THRB: variants seen among roughly 807,000 people sequenced by gnomAD.
The protein encoded by THRB is nuclear receptor subfamily 1 group A member 2.
In THRB, 12 loss-of-function variants were observed where a neutral mutation model predicts 47.8. The ratio of observed to expected loss-of-function variants is 0.25; its 90% CI spans 0.16 to 0.41. THRB has a LOEUF of 0.41. Ranked by LOEUF, THRB falls within the 10% of genes least tolerant of loss-of-function variation. The pLI, the probability that THRB is intolerant of heterozygous loss-of-function variation, is 1.00. For synonymous variants in THRB, 218 were observed against 212.2 expected (o/e 1.03, Z -0.24); for missense variants, 348 against 589.2 (o/e 0.59, Z 4.24).
chr3:24,129,451 C>A (rs1431718639), intron 9 of THRB, among the ~76,000 whole-genome samples: 1 of 152,184 alleles, frequency 6.6e-6, no homozygotes, highest in African/African-American at 2.4e-5. Context: ...ACTTTTGAAA[C>A]CAATTCTGAT....
At chr3:24,221,498 A>T (rs945057507) in intron 4 of THRB, among the ~76,000 whole-genome samples, 1 of 152,046 alleles carries the variant, frequency 6.6e-6, no homozygotes, top group Non-Finnish European at 1.5e-5. Flanking sequence ...GATGGTGGGG[A>T]TAATGGGGAT....
chr3:24,456,327 C>G (rs1042903191), intron 1 of THRB, among the ~76,000 whole-genome samples: 1 of 150,380 alleles, frequency 6.6e-6, no homozygotes, highest in African/African-American at 2.4e-5. Flanking sequence ...AGTGTGAGAC[C>G]CTGTCTAAAA....
chr3:24,313,503 A>G (rs1193819039), intron 2 of THRB, among the ~76,000 whole-genome samples: 1 of 152,198 alleles, frequency 6.6e-6, no homozygotes, highest in Non-Finnish European at 1.5e-5. Context: ...AACATTTTAA[A>G]AAGCCCATTA....
At chr3:24,291,614 C>A (rs1022452375) in intron 3 of THRB, among the ~76,000 whole-genome samples, 1 of 152,038 alleles carries the variant, frequency 6.6e-6, no homozygotes, top group Non-Finnish European at 1.5e-5. Context: ...TATTGTTTAG[C>A]AAATAACAAT....
At chr3:24,337,541 G>A (rs2062338940) in intron 1 of THRB, among the ~76,000 whole-genome samples, 170 bp from the exon 2 acceptor site, 1 of 152,194 alleles carries the variant, frequency 6.6e-6, no homozygotes, top group Admixed American at 6.5e-5. Context: ...TTATTCTAAA[G>A]GGGAGATGGT....
intron 3 of THRB, among the ~76,000 whole-genome samples, chr3:24,230,770 C>T (rs1362425451): frequency 1.3e-5 from 2 of 152,166 alleles, no homozygotes; most frequent in Non-Finnish European, 2.9e-5. Context: ...CTGTGCCCCA[C>T]CTCTGGCAAA....
At chr3:24,204,815 G>C (rs775244263) in intron 4 of THRB, among the ~76,000 whole-genome samples, 1 of 152,176 alleles carries the variant, frequency 6.6e-6, no homozygotes, top group African/African-American at 2.4e-5. Flanking sequence ...TAAATGACCC[G>C]ATGGAGCGGA....
At chr3:24,444,605 T>C (rs1203975031) in intron 1 of THRB, among the ~76,000 whole-genome samples, 1 of 151,948 alleles carries the variant, frequency 6.6e-6, no homozygotes, top group Non-Finnish European at 1.5e-5. Context: ...GTACAACAAG[T>C]TTTGTTTTGT....
chr3:24,154,789 T>A (rs905996699), intron 5 of THRB, among the ~76,000 whole-genome samples: 5 of 152,236 alleles, frequency 3.3e-5, no homozygotes, highest in Non-Finnish European at 7.3e-5. Context: ...GAACCTCTTA[T>A]ACCTCGAGGT....
chr3:24,271,076 T>A (rs2053272810), intron 3 of THRB, among the ~76,000 whole-genome samples: 1 of 152,194 alleles, frequency 6.6e-6, no homozygotes, highest in Non-Finnish European at 1.5e-5. Flanking sequence ...TGTCACTATT[T>A]TCTCAGACAA....
chr3:24,266,774 A>C (rs9872738), intron 3 of THRB, among the ~76,000 whole-genome samples: 4,448 of 152,266 alleles, frequency 0.029, 223 homozygotes, highest in African/African-American at 0.1. Flanking sequence ...AATGCCAATA[A>C]AAATTCACCC....
intron 1 of THRB, among the ~76,000 whole-genome samples, chr3:24,446,677 T>C (rs78574410): frequency 0.02 from 2,995 of 152,296 alleles, 131 homozygotes; most frequent in East Asian, 0.18. Context: ...TGGAGCTTTA[T>C]TGAAACCATA....
intron 1 of THRB, among the ~76,000 whole-genome samples, chr3:24,421,653 G>A (rs2069274333): frequency 6.6e-6 from 1 of 151,900 alleles, no homozygotes; most frequent in South Asian, 2.1e-4. Context: ...AGAAAAGCAT[G>A]CAAAATGGAC....
rs1304612364 is a variant in THRB, at chr3:24,183,351, TTTTTCTTTTTTCTTTTC to T, written c.283+6706_283+6722del. Among the ~76,000 whole-genome samples the T allele has an allele frequency of 2.8e-3, 404 of 142,358 alleles. 5 individuals are homozygous for T. Among genetic ancestry groups the T allele is most frequent in the African/African-American group, 9.8e-3 (377 of 38,308 alleles). 93.4% of individuals were successfully genotyped at this position (142,358 alleles called of 152,430 possible). A position where few individuals can be genotyped will look rare whatever the true frequency, so the allele number is the denominator to read the frequency against. On this transcript the variant is annotated intron_variant, in intron 5 of 10. Transcript: ENST00000646209. ...ATCTTTCATCTTTTTTCTTTTCTTC[TTTTTCTTTTTTCTTTTC>T]TTTTTTTTTTTTTTTTGAGACAGAG...
At chr3:24,314,879 T>C (rs1266813479) in intron 2 of THRB, among the ~76,000 whole-genome samples, 1 of 152,182 alleles carries the variant, frequency 6.6e-6, no homozygotes, top group Non-Finnish European at 1.5e-5. Flanking sequence ...TCCTGCAGGG[T>C]CTTATTTCAG....
intron 7 of THRB, among the ~76,000 whole-genome samples, chr3:24,146,015 G>A (rs2036047430): frequency 6.6e-6 from 1 of 152,112 alleles, no homozygotes; most frequent in Admixed American, 6.6e-5. Flanking sequence ...AGTGTGGGGA[G>A]AAGAGACCCC....
At chr3:24,312,410 A>G (rs1211826945) in intron 2 of THRB, among the ~76,000 whole-genome samples, 1 of 152,160 alleles carries the variant, frequency 6.6e-6, no homozygotes, top group Non-Finnish European at 1.5e-5. Context: ...ACTTCCTCAT[A>G]GGTGGGAATT....
intron 4 of THRB, among the ~76,000 whole-genome samples, chr3:24,209,753 A>C (rs1307986624): frequency 2.0e-5 from 3 of 152,200 alleles, no homozygotes; most frequent in Admixed American, 6.5e-5. Flanking sequence ...GCAGCACACC[A>C]AGATGGCACA....
intron 4 of THRB, among the ~76,000 whole-genome samples, chr3:24,210,302 C>G (rs566439469): frequency 6.6e-6 from 1 of 152,166 alleles, no homozygotes; most frequent in Non-Finnish European, 1.5e-5. Flanking sequence ...AAATTCCATA[C>G]CTGCATGTTC....
Sources: allele counts gnomAD v4.1 joint callset (sites outside exome capture counted in the v4.1 genomes callset), GRCh38; gene constraint gnomAD v4.1.1; transcripts MANE v1.5; gene names NCBI Gene and HGNC (gene_info 2026-07-23, HGNC 2026-07-21).